The following MIPOL1 variants were observed in gnomAD, a reference collection of about 807,000 sequenced individuals.
The protein encoded by MIPOL1 is mirror-image polydactyly 1.
Under a neutral mutation model 60.9 loss-of-function variants are expected in MIPOL1, and 57 were observed. That is an observed-to-expected ratio of 0.94 (90% confidence interval 0.76 to 1.17). The LOEUF is 1.17. Among genes scored for constraint, MIPOL1 ranks in the 50% most tolerant of loss-of-function variants. The pLI, the probability that MIPOL1 is intolerant of heterozygous loss-of-function variation, is 0.00. For synonymous variants in MIPOL1, 179 were observed against 168.8 expected, an observed-to-expected ratio of 1.06 and a Z score of -0.47; for missense variants, 551 against 511.6, an observed-to-expected ratio of 1.08 and a Z score of -0.74.
intron 11 of MIPOL1, among the ~76,000 whole-genome samples, chr14:37,479,542 C>T (rs933343761): frequency 6.6e-6 from 1 of 151,998 alleles, no homozygotes; most frequent in South Asian, 2.1e-4. Context: ...AGAGGAAAGG[C>T]ACTTCTAAGG....
chr14:37,439,737 A>G (rs1321650105), intron 11 of MIPOL1, among the ~76,000 whole-genome samples: 1 of 152,222 alleles, frequency 6.6e-6, no homozygotes, highest in Non-Finnish European at 1.5e-5. Context: ...TCACATGTAC[A>G]ATGTTACTTT....
Position 37,274,363 on chromosome 14 carries a change from G to A in MIPOL1, c.493+3838G>A, listed in dbSNP as rs138480668. 7.3e-5 allele frequency among the ~76,000 whole-genome samples: 11 copies of A among 151,390 alleles called. No homozygotes were observed. The East Asian group carries it at 1.9e-3, about 27-fold the overall frequency. The stretch of plus-strand genomic sequence containing the variant: ...CCCTATCATGTTAAAATCTCTGATG[G>A]TTGACTACCTTTCTTTTCCTTTCTC... On this transcript the variant is annotated intron_variant, in intron 6 of 12. Coordinates refer to ENST00000684589, the MANE Select transcript of MIPOL1 (RefSeq NM_001388067.1).
chr14:37,493,544 C>G (rs1490315082), intron 11 of MIPOL1, among the ~76,000 whole-genome samples: 2 of 152,058 alleles, frequency 1.3e-5, no homozygotes, highest in Non-Finnish European at 2.9e-5. Context: ...CCATTGGACT[C>G]AATGTGGTGA....
At chr14:37,264,480 A>C (rs2082728277) in intron 3 of MIPOL1, among the ~76,000 whole-genome samples, 1 of 151,270 alleles carries the variant, frequency 6.6e-6, no homozygotes, top group Non-Finnish European at 1.5e-5. Flanking sequence ...AAAATTAGTG[A>C]GGCATGGCAA....
In MIPOL1 at chr14:37,347,318, A is replaced by G. The variant is rs549850566; in HGVS notation, c.829-22199A>G. On this transcript the variant is annotated intron_variant, in intron 9 of 12. Coordinates refer to ENST00000684589, the MANE Select transcript of MIPOL1 (RefSeq NM_001388067.1). ...AAAAGACGGACAGAATTGAAAAAGC[A>G]TACAAGAAGAAAGAAATGAAAACTA... is the stretch of plus-strand genomic sequence containing the variant. Among the ~76,000 whole-genome samples the G allele has an allele frequency of 3.3e-5, 5 of 152,340 alleles. No homozygotes were observed. In the East Asian group the frequency reaches 5.8e-4, roughly 18 times the overall value.
intron 6 of MIPOL1, chr14:37,276,808 G>A (rs1264663136): frequency 2.0e-5 from 3 of 150,872 alleles, no homozygotes; most frequent in Non-Finnish European, 4.5e-5. Flanking sequence ...AAAAGAAAAA[G>A]GATTTCAAGA....
intron 10 of MIPOL1, among the ~76,000 whole-genome samples, chr14:37,377,343 G>A (rs920999512): frequency 6.6e-6 from 1 of 152,088 alleles, no homozygotes. Context: ...GGCAGATGAA[G>A]TAAACATCAC....
At chr14:37,370,794 A>T (rs1002713945) in intron 10 of MIPOL1, among the ~76,000 whole-genome samples, 3 of 152,174 alleles carry the variant, frequency 2.0e-5, no homozygotes, top group African/African-American at 7.2e-5. Context: ...GATTGCTGTG[A>T]TTATTTCTAA....
intron 9 of MIPOL1, among the ~76,000 whole-genome samples, chr14:37,347,664 A>G (rs920618136): frequency 6.6e-6 from 1 of 152,204 alleles, no homozygotes; most frequent in Non-Finnish European, 1.5e-5. Context: ...AAGTTAACCT[A>G]TGGAAGACGT....
At chr14:37,543,200 T>A (rs1295016642) in intron 12 of MIPOL1, among the ~76,000 whole-genome samples, 2 of 152,246 alleles carry the variant, frequency 1.3e-5, no homozygotes, top group Non-Finnish European at 2.9e-5. Context: ...CATCTCCTTC[T>A]TTCCATCTAC....
At chr14:37,333,150 A>G (rs1281156879) in intron 9 of MIPOL1, among the ~76,000 whole-genome samples, 1 of 152,076 alleles carries the variant, frequency 6.6e-6, no homozygotes, top group African/African-American at 2.4e-5. Flanking sequence ...CTTGATGGCA[A>G]ATGGTTCCGT....
chr14:37,519,122 T>G (rs937872801), intron 12 of MIPOL1, among the ~76,000 whole-genome samples: 1 of 152,084 alleles, frequency 6.6e-6, no homozygotes, highest in African/African-American at 2.4e-5. Flanking sequence ...AGACCATGAA[T>G]CAGCTATAAA....
intron 11 of MIPOL1, chr14:37,434,376 G>A (rs1370087051): frequency 1.3e-5 from 2 of 151,946 alleles, no homozygotes; most frequent in African/African-American, 2.4e-5. Flanking sequence ...TTTTTGATGA[G>A]GTTGTTTTTT....
intron 1 of MIPOL1, among the ~76,000 whole-genome samples, chr14:37,233,470 C>G (rs1423367098): frequency 6.6e-6 from 1 of 152,126 alleles, no homozygotes; most frequent in Non-Finnish European, 1.5e-5. Context: ...GTTCAGGACA[C>G]TTTTGTTGGT....
chr14:37,532,115 C>T lies in MIPOL1; in HGVS notation c.1263-14790C>T, dbSNP rs1022960316. ...AAATGAGGCCTTAATTGTTTGCTGCCAATTTCCAGATGTTTTCTAGAATAT... is the reference window on the plus strand; with the variant it reads ...AAATGAGGCCTTAATTGTTTGCTGCTAATTTCCAGATGTTTTCTAGAATAT... On this transcript the variant is annotated intron_variant, in intron 12 of 12. Transcript: ENST00000684589. Among the ~76,000 whole-genome samples, 31 of 152,208 alleles carry T rather than the reference C, an allele frequency of 2.0e-4. 1 individual carries two copies. The highest frequency in any genetic ancestry group is 1.5e-3 in the Admixed American group (23 of 15,288).
At chr14:37,432,196 C>T (rs1198946706) in intron 11 of MIPOL1, among the ~76,000 whole-genome samples, 1 of 152,156 alleles carries the variant, frequency 6.6e-6, no homozygotes, top group African/African-American at 2.4e-5. Flanking sequence ...CTAATCTTGT[C>T]CGTTAGAAGT....
chr14:37,549,717 A>G lies in MIPOL1; in HGVS notation c.*2746A>G, dbSNP rs1245122529. 2 of 152,120 alleles carry G rather than the reference A, an allele frequency of 1.3e-5. No homozygotes were observed. Among genetic ancestry groups the G allele is most frequent in the East Asian group, 3.9e-4 (2 of 5,188 alleles). 9.4% of individuals were successfully genotyped at this position (152,120 alleles called of 1,614,324 possible). On this transcript the variant is annotated 3_prime_UTR_variant, in exon 13 of 13. Transcript: ENST00000684589. The stretch of plus-strand genomic sequence containing the variant: ...TTGTACACATTTTTTTCAATGAAGT[A>G]CAATAATGTGAACTGCATGTGTAAA...
chr14:37,346,098 G>A (rs2090927011), intron 9 of MIPOL1, among the ~76,000 whole-genome samples: 1 of 152,164 alleles, frequency 6.6e-6, no homozygotes, highest in South Asian at 2.1e-4. Context: ...GGGAGGCTGA[G>A]GCAGACAGAT....
chr14:37,393,658 T>G (rs1210929906), intron 10 of MIPOL1, among the ~76,000 whole-genome samples: 2 of 152,008 alleles, frequency 1.3e-5, no homozygotes, highest in African/African-American at 4.8e-5. Flanking sequence ...AATACAATTT[T>G]ATGGCAGGCC....
Sources: allele counts gnomAD v4.1 joint callset (sites outside exome capture counted in the v4.1 genomes callset), GRCh38; gene constraint gnomAD v4.1.1; transcripts MANE v1.5; gene names NCBI Gene and HGNC (gene_info 2026-07-23, HGNC 2026-07-21).